The following DGLUCY variants were observed in gnomAD, a reference collection of about 807,000 sequenced individuals.
The protein encoded by DGLUCY is D-glutamate cyclase, mitochondrial.
Under a neutral mutation model 58.5 loss-of-function variants are expected in DGLUCY, and 58 were observed. The ratio of observed to expected loss-of-function variants is 0.99; its 90% CI spans 0.80 to 1.23. The LOEUF is 1.23. DGLUCY is among the 50% of genes most tolerant of loss of function. The pLI is 0.00. For missense variants in DGLUCY, 779 were observed against 784.7 expected (o/e 0.99, Z 0.09); for synonymous variants, 325 against 314.1 (o/e 1.03, Z -0.37).
intron 10 of DGLUCY, 42 bp downstream of exon 10, chr14:91,196,516 A>G (rs2044038942): frequency 6.6e-7 from 1 of 1,509,016 alleles, no homozygotes; most frequent in South Asian, 1.1e-5. Context: ...GATGGTGGAA[A>G]CGCCCATATG....
chr14:91,190,886 G>A (rs545159526), intron 9 of DGLUCY, among the ~76,000 whole-genome samples: 30 of 152,304 alleles, frequency 2.0e-4, no homozygotes, highest in Non-Finnish European at 4.0e-4. Flanking sequence ...GGGGTGCAGA[G>A]ACAAGGGTGG....
At chr14:91,127,284 T>G (rs2045761526) in intron 1 of DGLUCY, among the ~76,000 whole-genome samples, 1 of 152,128 alleles carries the variant, frequency 6.6e-6, no homozygotes, top group Non-Finnish European at 1.5e-5. Flanking sequence ...CTTGAACTCC[T>G]GGCCTCAAGC....
chr14:91,162,468 C>T (rs1191404301), intron 3 of DGLUCY, among the ~76,000 whole-genome samples: 1 of 152,176 alleles, frequency 6.6e-6, no homozygotes, highest in Non-Finnish European at 1.5e-5. Context: ...CCACCATCCT[C>T]TCCAGAAAGA....
chr14:91,115,653 A>G (rs1303611309), intron 1 of DGLUCY, among the ~76,000 whole-genome samples: 2 of 152,170 alleles, frequency 1.3e-5, no homozygotes, highest in East Asian at 1.9e-4. Context: ...CAAGCCATCC[A>G]TCCGGCCTGG....
At chr14:91,187,634 T>C (rs181272283) in intron 8 of DGLUCY, among the ~76,000 whole-genome samples, 4 of 152,340 alleles carry the variant, frequency 2.6e-5, no homozygotes, top group Admixed American at 1.3e-4. Context: ...GGCTCAGGTC[T>C]CTGCTCCATC....
intron 1 of DGLUCY, among the ~76,000 whole-genome samples, chr14:91,066,461 A>T (rs1197096985): frequency 1.3e-5 from 2 of 151,740 alleles, no homozygotes; most frequent in Non-Finnish European, 2.9e-5. Context: ...TGCTGCCAGA[A>T]CGGGGTCCGT....
intron 9 of DGLUCY, among the ~76,000 whole-genome samples, chr14:91,192,193 C>G (rs944383290): frequency 1.1e-4 from 17 of 152,124 alleles, no homozygotes; most frequent in African/African-American, 3.9e-4. Flanking sequence ...GCAGGAAGTT[C>G]CGACACATGC....
exon 1 of DGLUCY, chr14:91,060,408 G>A: frequency 2.0e-6 from 3 of 1,504,474 alleles, no homozygotes; most frequent in Admixed American, 2.0e-5. Context: ...CCGCGGCGCC[G>A]CCGCTGCTGC....
At chr14:91,146,336 T>C (rs946790808) in intron 1 of DGLUCY, among the ~76,000 whole-genome samples, 4 of 152,158 alleles carry the variant, frequency 2.6e-5, no homozygotes, top group Non-Finnish European at 2.9e-5. Flanking sequence ...AAAGAAAACC[T>C]TTGGAGAAGT....
intron 1 of DGLUCY, among the ~76,000 whole-genome samples, chr14:91,120,585 T>C (rs2045293491): frequency 6.6e-6 from 1 of 152,106 alleles, no homozygotes; most frequent in Non-Finnish European, 1.5e-5. Flanking sequence ...CTAATTTTTG[T>C]ATTTTTAGTA....
rs941097526 is a variant in DGLUCY at position 91,150,075 on chromosome 14, C to T, written c.-81-7564C>T. 1.8e-4 allele frequency among the ~76,000 whole-genome samples: 28 copies of T among 151,890 alleles called. 1 individual carries two copies. The highest frequency in any genetic ancestry group is 8.5e-4 in the Admixed American group (13 of 15,234). On this transcript the variant is annotated intron_variant, in intron 1 of 13. Coordinates refer to ENST00000256324, the MANE Select transcript of DGLUCY (RefSeq NM_001102368.3). ...CTCTACTAAAAATACAAAAATTAGC[C>T]AGGCATGGTGGTAGGCACCGGTAGT...
Position 91,183,950 on chromosome 14 carries a change from C to T in DGLUCY, c.934+2561C>T, listed in dbSNP as rs147154228. Among the ~76,000 whole-genome samples, 914 of 152,174 alleles carry T rather than the reference C, an allele frequency of 6.0e-3. 5 individuals are homozygous for T. The highest frequency in any genetic ancestry group is 0.013 in the African/African-American group (530 of 41,504). The stretch of plus-strand genomic sequence containing the variant: ...GTGCTCCTAAACCTGGGGTACAAAC[C>T]GCCCTTGGCACCTGGAATGACTGGA... On this transcript the variant is annotated intron_variant, in intron 8 of 13. Transcript: ENST00000256324.
intron 8 of DGLUCY, among the ~76,000 whole-genome samples, chr14:91,187,551 G>A (rs997452417): frequency 1.3e-5 from 2 of 152,152 alleles, no homozygotes; most frequent in African/African-American, 4.8e-5. Flanking sequence ...TTCCCCACTC[G>A]TATCCTCTGG....
chr14:91,080,845 C>T (rs2044111364), intron 1 of DGLUCY, among the ~76,000 whole-genome samples: 1 of 152,158 alleles, frequency 6.6e-6, no homozygotes, highest in Non-Finnish European at 1.5e-5. Flanking sequence ...CATTGTGCAA[C>T]ATCCAGTCCT....
At chr14:91,133,605 T>C (rs2046157892) in intron 1 of DGLUCY, among the ~76,000 whole-genome samples, 1 of 152,088 alleles carries the variant, frequency 6.6e-6, no homozygotes, top group Non-Finnish European at 1.5e-5. Flanking sequence ...CCTAGGATAG[T>C]CTTATACTCC....
chr14:91,216,787 T>C (rs1595947863), intron 13 of DGLUCY, among the ~76,000 whole-genome samples: 1 of 152,178 alleles, frequency 6.6e-6, no homozygotes, highest in African/African-American at 2.4e-5. Context: ...GCAGACCCCA[T>C]GCTCCGAAGT....
chr14:91,126,422 G>C (rs902825997), intron 1 of DGLUCY: 3 of 211,584 alleles, frequency 1.4e-5, no homozygotes, highest in African/African-American at 7.0e-5. Flanking sequence ...AATTACATGT[G>C]TTGGGGTGTG....
chr14:91,216,342 A>T (rs892932876), intron 13 of DGLUCY: 2 of 154,016 alleles, frequency 1.3e-5, no homozygotes, highest in Non-Finnish European at 2.9e-5. Flanking sequence ...GTCTGGGGCC[A>T]TTAAGAATCC....
intron 10 of DGLUCY, among the ~76,000 whole-genome samples, chr14:91,199,107 ACT>A (rs1047519915): frequency 3.9e-5 from 6 of 151,966 alleles, no homozygotes; most frequent in African/African-American, 1.5e-4. Context: ...AGCAGCCAAT[ACT>A]CTCAGCCTCT....
Sources: allele counts gnomAD v4.1 joint callset (sites outside exome capture counted in the v4.1 genomes callset), GRCh38; gene constraint gnomAD v4.1.1; transcripts MANE v1.5; gene names NCBI Gene and HGNC (gene_info 2026-07-23, HGNC 2026-07-21).